LRFN5: variants seen among roughly 807,000 people sequenced by gnomAD.
LRFN5 encodes leucine-rich repeat and fibronectin type-III domain-containing protein 5.
LRFN5 carries 24 observed loss-of-function variants against 45.6 expected under a neutral mutation model. That is an observed-to-expected ratio of 0.53 (90% confidence interval 0.38 to 0.74). The LOEUF (loss-of-function observed/expected upper bound fraction) is 0.74, where lower values mean the gene tolerates loss of function less well. Ranked by LOEUF, LRFN5 falls within the 30% of genes least tolerant of loss-of-function variation. The pLI is 0.00. For missense variants in LRFN5, 776 were observed against 861.5 expected (o/e 0.90, Z 1.24); for synonymous variants, 340 against 313.8 (o/e 1.08, Z -0.88).
At chr14:41,853,627 G>T (rs1889350802) in intron 2 of LRFN5, among the ~76,000 whole-genome samples, 1 of 151,990 alleles carries the variant, frequency 6.6e-6, no homozygotes, top group Admixed American at 6.6e-5. Flanking sequence ...TCTAAATATA[G>T]ATATCAAGAA....
intron 2 of LRFN5, among the ~76,000 whole-genome samples, chr14:41,857,150 T>C (rs1171388512): frequency 1.3e-5 from 2 of 152,152 alleles, no homozygotes; most frequent in Non-Finnish European, 2.9e-5. Context: ...ACCTTATAAG[T>C]GTTGTTTTAT....
chr14:41,681,835 T>G (rs1010844229), intron 1 of LRFN5, among the ~76,000 whole-genome samples: 68 of 150,906 alleles, frequency 4.5e-4, no homozygotes, highest in African/African-American at 1.3e-3. Flanking sequence ...TTTTTTTTTT[T>G]TGTGATGGAG....
chr14:41,781,616 G>GAAAA (rs1317274535), intron 2 of LRFN5, among the ~76,000 whole-genome samples: 53 of 59,670 alleles, frequency 8.9e-4, no homozygotes, highest in African/African-American at 4.5e-3. Flanking sequence ...AAGAAAGAAA[G>GAAAA]AGAAAGAAAG....
At chr14:41,629,513 A>T (rs1888464403) in intron 1 of LRFN5, among the ~76,000 whole-genome samples, 1 of 152,226 alleles carries the variant, frequency 6.6e-6, no homozygotes, top group Non-Finnish European at 1.5e-5. Flanking sequence ...TCTCTGAATA[A>T]AATTTCCTAA....
intron 1 of LRFN5, among the ~76,000 whole-genome samples, chr14:41,655,401 C>A (rs1880331555): frequency 6.6e-6 from 1 of 151,852 alleles, no homozygotes; most frequent in South Asian, 2.1e-4. Context: ...CAAGCATACA[C>A]CCCTTAGAAA....
intron 1 of LRFN5, among the ~76,000 whole-genome samples, chr14:41,709,518 T>G (rs938136105): frequency 6.6e-6 from 1 of 152,078 alleles, no homozygotes; most frequent in African/African-American, 2.4e-5. Context: ...TTTTTTATAT[T>G]TTGCTTCAAA....
At chr14:41,667,678 A>T (rs939541898) in intron 1 of LRFN5, among the ~76,000 whole-genome samples, 2 of 151,964 alleles carry the variant, frequency 1.3e-5, no homozygotes, top group Non-Finnish European at 2.9e-5. Flanking sequence ...GAATGGGTAG[A>T]CCTCTATCTA....
chr14:41,633,055 G>T (rs1169363057), intron 1 of LRFN5, among the ~76,000 whole-genome samples: 2 of 151,982 alleles, frequency 1.3e-5, no homozygotes, highest in Non-Finnish European at 2.9e-5. Flanking sequence ...GAACCTCAGG[G>T]TCTTCATCTG....
At chr14:41,614,145 A>G (rs1887852368) in intron 1 of LRFN5, among the ~76,000 whole-genome samples, 1 of 151,980 alleles carries the variant, frequency 6.6e-6, no homozygotes, top group Non-Finnish European at 1.5e-5. Flanking sequence ...AGATTTGTCA[A>G]GTTTTTGAAT....
chr14:41,777,193 C>G lies in LRFN5; in HGVS notation c.-21+10164C>G, dbSNP rs1022351875. Among the ~76,000 whole-genome samples the G allele has an allele frequency of 5.9e-5, 9 of 151,382 alleles. 1 individual carries two copies. The highest frequency in any genetic ancestry group is 1.9e-4 in the African/African-American group (8 of 41,278). On this transcript the variant is annotated intron_variant, in intron 2 of 5. Coordinates refer to ENST00000298119, the MANE Select transcript of LRFN5 (RefSeq NM_152447.5). ...TAATGTTGATTTTTTATTCTTTATC[C>G]TTCTATTTTAATTTTAGGAGTACAC...
intron 3 of LRFN5, among the ~76,000 whole-genome samples, chr14:41,890,107 A>G (rs1182692404): frequency 1.3e-5 from 2 of 151,970 alleles, no homozygotes; most frequent in Non-Finnish European, 2.9e-5. Flanking sequence ...CAGTTGATCC[A>G]CCTGCCTTGG....
At chr14:41,672,940 A>G (rs1881301909) in intron 1 of LRFN5, among the ~76,000 whole-genome samples, 1 of 152,186 alleles carries the variant, frequency 6.6e-6, no homozygotes, top group Admixed American at 6.5e-5. Context: ...ATATTGTATC[A>G]TATTATATAA....
intron 1 of LRFN5, among the ~76,000 whole-genome samples, chr14:41,665,849 T>C (rs907793144): frequency 8.6e-5 from 13 of 152,034 alleles, no homozygotes; most frequent in African/African-American, 2.9e-4. Flanking sequence ...TAATTATAAT[T>C]TAAATCCAAT....
intron 1 of LRFN5, among the ~76,000 whole-genome samples, chr14:41,643,296 G>T (rs1327185805): frequency 1.3e-5 from 2 of 152,024 alleles, no homozygotes. Context: ...AATAATATCA[G>T]CAGAAATTAA....
chr14:41,701,272 TACTC>T (rs1228037419), intron 1 of LRFN5: 2 of 152,176 alleles, frequency 1.3e-5, no homozygotes, highest in African/African-American at 4.8e-5. Context: ...ACATAACACT[TACTC>T]AGCTCATAAT....
chr14:41,785,665 A>G (rs1326398686), intron 2 of LRFN5, among the ~76,000 whole-genome samples: 1 of 152,170 alleles, frequency 6.6e-6, no homozygotes, highest in Non-Finnish European at 1.5e-5. Context: ...ATCGTAATAT[A>G]TAATGAAATA....
At position 41,738,401 on chromosome 14, in the gene LRFN5, A is replaced by G. The variant is rs183060454; in HGVS notation, c.-196-28453A>G. On this transcript the variant is annotated intron_variant, in intron 1 of 5. Coordinates refer to ENST00000298119, the MANE Select transcript of LRFN5 (RefSeq NM_152447.5). ...CTAAAACCATAACAACCCTGGAAGAAAACCTAGGCAATACCATTCAGGACA... is the reference window on the plus strand; with the variant it reads ...CTAAAACCATAACAACCCTGGAAGAGAACCTAGGCAATACCATTCAGGACA... 6.2e-4 allele frequency among the ~76,000 whole-genome samples: 95 copies of G among 152,320 alleles called. 1 individual carries two copies. The highest frequency in any genetic ancestry group is 3.4e-3 in the Middle Eastern group (1 of 294).
intron 1 of LRFN5, among the ~76,000 whole-genome samples, chr14:41,692,416 C>CT (rs1049160232): frequency 3.3e-5 from 5 of 150,098 alleles, no homozygotes; most frequent in East Asian, 1.9e-4. Flanking sequence ...TTTTAATTTT[C>CT]TTTTTTTTAT....
intron 1 of LRFN5, among the ~76,000 whole-genome samples, chr14:41,744,594 A>G (rs1884841435): frequency 6.6e-6 from 1 of 152,146 alleles, no homozygotes; most frequent in Non-Finnish European, 1.5e-5. Flanking sequence ...GGTAAAATGC[A>G]TTAAGAAACA....
Sources: gnomAD v4.1 joint callset for allele counts (sites outside exome capture counted in the v4.1 genomes callset) on GRCh38, gnomAD v4.1.1 for gene constraint, MANE v1.5 for transcripts, NCBI Gene and HGNC (gene_info 2026-07-23, HGNC 2026-07-21) for gene names.